Variants in LRRC72 observed in about 807,000 individuals in gnomAD.
LRRC72 encodes the protein leucine rich repeat containing 72, also known as leucine-rich repeat-containing protein 72.
Under a neutral mutation model 35.8 loss-of-function variants are expected in LRRC72, and 41 were observed. The observed-to-expected ratio is 1.15, with a 90% CI of 0.89 to 1.49. The LOEUF (loss-of-function observed/expected upper bound fraction) is 1.49. Ranked by LOEUF, LRRC72 falls within the 40% of genes most tolerant of loss-of-function variation. The probability of loss-of-function intolerance (pLI) is 0.00; values close to 1 mark genes in which losing one functional copy is unlikely to be tolerated. For missense variants in LRRC72, 389 were observed against 330.7 expected, an observed-to-expected ratio of 1.18 and a Z score of -1.37; for synonymous variants, 118 against 119.2, an observed-to-expected ratio of 0.99 and a Z score of 0.07.
At chr7:16,544,975 T>C (rs1782421533) in intron 3 of LRRC72, among the ~76,000 whole-genome samples, 1 of 152,230 alleles carries the variant, frequency 6.6e-6, no homozygotes, top group Non-Finnish European at 1.5e-5. Flanking sequence ...ATAATTGAGA[T>C]ATTTATAATA....
At chr7:16,570,810 C>G (rs1395892154) in intron 7 of LRRC72, among the ~76,000 whole-genome samples, 1 of 152,082 alleles carries the variant, frequency 6.6e-6, no homozygotes, top group African/African-American at 2.4e-5. Context: ...GACCCTCTCT[C>G]AAAACAAACA....
chr7:16,541,029 T>C lies in LRRC72; in HGVS notation c.234+3333T>C, dbSNP rs548577648. The stretch of plus-strand genomic sequence containing the variant: ...GTCTCAAGATCACCAAGTGTGGCTG[T>C]TGAAGTTTCTCTTAAAGGCTAGGGT... On this transcript the variant is annotated intron_variant, in intron 3 of 8. Transcript: ENST00000401542. 1.6e-4 allele frequency among the ~76,000 whole-genome samples: 24 copies of C among 152,270 alleles called. No individual in the cohort carries two copies. The East Asian group carries it at 1.7e-3, about 11-fold the overall frequency.
chr7:16,560,333 T>C (rs765358231), intron 5 of LRRC72, among the ~76,000 whole-genome samples: 3 of 152,256 alleles, frequency 2.0e-5, no homozygotes, highest in Non-Finnish European at 4.4e-5. Context: ...CCATATATTG[T>C]TAGTGTTATC....
intron 7 of LRRC72, among the ~76,000 whole-genome samples, chr7:16,575,051 G>T (rs985903733): frequency 2.0e-5 from 3 of 149,066 alleles, no homozygotes; most frequent in Non-Finnish European, 4.5e-5. Context: ...GGAGTTGGAG[G>T]TTGCAGTGAG....
chr7:16,577,852 C>G (rs1783069216), intron 7 of LRRC72, among the ~76,000 whole-genome samples: 1 of 152,122 alleles, frequency 6.6e-6, no homozygotes, highest in Non-Finnish European at 1.5e-5. Context: ...TTTCATCCAA[C>G]AAGTAGGCAG....
At chr7:16,534,322 GC>G (rs1782216600) in intron 2 of LRRC72, among the ~76,000 whole-genome samples, 1 of 151,964 alleles carries the variant, frequency 6.6e-6, no homozygotes, top group African/African-American at 2.4e-5. Flanking sequence ...TAATGTAACA[GC>G]CCATTATTGA....
At chr7:16,527,775 G>A (rs1307372999) in intron 1 of LRRC72, among the ~76,000 whole-genome samples, 1 of 152,188 alleles carries the variant, frequency 6.6e-6, no homozygotes, top group Admixed American at 6.5e-5. Context: ...CCTAACTTGT[G>A]CCTGCGTGTT....
intron 3 of LRRC72, among the ~76,000 whole-genome samples, chr7:16,550,216 C>T (rs1782525048): frequency 6.6e-6 from 1 of 151,040 alleles, no homozygotes; most frequent in African/African-American, 2.4e-5. Context: ...GACCCTATCT[C>T]AAAAAAATAA....
intron 7 of LRRC72, among the ~76,000 whole-genome samples, chr7:16,578,282 G>A (rs1783078556): frequency 6.6e-6 from 1 of 152,150 alleles, no homozygotes; most frequent in African/African-American, 2.4e-5. Context: ...AGACCAGCCT[G>A]GCTAACATGG....
intron 3 of LRRC72, among the ~76,000 whole-genome samples, chr7:16,549,478 G>C (rs2128336309): frequency 6.6e-6 from 1 of 152,296 alleles, no homozygotes; most frequent in Middle Eastern, 3.4e-3. Flanking sequence ...AATAGAAGCA[G>C]TGGCTTGTAC....
At chr7:16,543,170 G>T (rs1782386967) in intron 3 of LRRC72, among the ~76,000 whole-genome samples, 1 of 152,126 alleles carries the variant, frequency 6.6e-6, no homozygotes, top group African/African-American at 2.4e-5. Flanking sequence ...TTAATTATGA[G>T]TTTTCTTTAA....
Position 16,526,853 on chromosome 7 carries a change from A to T in LRRC72, c.-100A>T. On this transcript the variant is annotated 5_prime_UTR_variant, in exon 1 of 9. Transcript: ENST00000401542. Reference sequence around the variant, plus strand: ...CAACGGGAATGCGGTAACTGTTGGTAACAGAACAACGAGCTGTGCACCAAG... The same window carrying T: ...CAACGGGAATGCGGTAACTGTTGGTTACAGAACAACGAGCTGTGCACCAAG... 1.1e-6 allele frequency: 1 copy of T among 924,276 alleles called. No individual in the cohort carries two copies. 57.3% of individuals were successfully genotyped at this position (924,276 alleles called of 1,614,324 possible). A position where few individuals can be genotyped will look rare whatever the true frequency, so the allele number is the denominator to read the frequency against.
chr7:16,572,206 C>T (rs111876935), intron 7 of LRRC72, among the ~76,000 whole-genome samples: 24 of 152,334 alleles, frequency 1.6e-4, no homozygotes, highest in African/African-American at 5.5e-4. Flanking sequence ...GATGTATTCA[C>T]AGCTGAGTTC....
At chr7:16,561,886 G>A (rs976337951) in intron 5 of LRRC72, among the ~76,000 whole-genome samples, 2 of 152,210 alleles carry the variant, frequency 1.3e-5, no homozygotes, top group East Asian at 3.8e-4. Flanking sequence ...AAACTAAAAT[G>A]AGAACTCTAT....
At chr7:16,556,187 C>T (rs1290859205) in intron 3 of LRRC72, among the ~76,000 whole-genome samples, 3 of 152,026 alleles carry the variant, frequency 2.0e-5, no homozygotes, top group Non-Finnish European at 1.5e-5. Context: ...TGAGGAAATT[C>T]GAGAAAGTAC....
intron 1 of LRRC72, chr7:16,530,505 T>C (rs1055473885): frequency 3.3e-5 from 5 of 152,240 alleles, no homozygotes; most frequent in African/African-American, 1.2e-4. Flanking sequence ...AATAATGTTT[T>C]ACCAGCTTCT....
Position 16,555,791 on chromosome 7 carries a change from T to C in LRRC72, c.235-1569T>C, listed in dbSNP as rs1189453748. 2.0e-5 allele frequency among the ~76,000 whole-genome samples: 3 copies of C among 152,032 alleles called. No individual in the cohort carries two copies. The South Asian group carries it at 6.2e-4, about 32-fold the overall frequency. On this transcript the variant is annotated intron_variant, in intron 3 of 8. Transcript: ENST00000401542. ...CTCCATCTCAAAAAAAAAAAATTAATAGTTCCTATGATAAGCTTTAGAAAA... is the reference window on the plus strand; with the variant it reads ...CTCCATCTCAAAAAAAAAAAATTAACAGTTCCTATGATAAGCTTTAGAAAA...
intron 5 of LRRC72, among the ~76,000 whole-genome samples, chr7:16,560,481 C>T (rs573475502): frequency 4.5e-4 from 69 of 152,254 alleles, no homozygotes; most frequent in African/African-American, 1.6e-3. Flanking sequence ...AGGCTGCCTG[C>T]TGTCAGGAGT....
intron 7 of LRRC72, among the ~76,000 whole-genome samples, chr7:16,575,069 C>T (rs562888719): frequency 5.2e-4 from 79 of 150,606 alleles, no homozygotes; most frequent in African/African-American, 1.8e-3. Context: ...GAGGTGAGAT[C>T]GCATCACTGC....
Sources: allele counts gnomAD v4.1 joint callset (sites outside exome capture counted in the v4.1 genomes callset), GRCh38; gene constraint gnomAD v4.1.1; transcripts MANE v1.5; gene names NCBI Gene and HGNC (gene_info 2026-07-23, HGNC 2026-07-21).